TTN: variants seen among roughly 807,000 people sequenced by gnomAD.
TTN encodes titin.
TTN carries 1,525 observed loss-of-function variants against 3,223.0 expected under a neutral mutation model. The observed-to-expected ratio is 0.47, with a 90% CI of 0.45 to 0.49. The LOEUF (loss-of-function observed/expected upper bound fraction) is 0.49, where lower values mean the gene tolerates loss of function less well. Ranked by LOEUF, TTN falls within the 20% of genes least tolerant of loss-of-function variation. TTN has a pLI of 0.00. For missense variants in TTN, 40,786 were observed against 43,424.0 expected (o/e 0.94, Z 5.40); for synonymous variants, 14,094 against 15,161.0 (o/e 0.93, Z 5.17).
At position 178,573,978 on chromosome 2, in the gene TTN, C is replaced by T. The variant is rs777857293; in HGVS notation, c.72154G>A (p.Asp24052Asn). The part of the protein sequence containing the change: ...KAGEAFRLEA[D>N]VSGRPPPTME... ...GTTGGAGGTGGGCGGCCTGAAACAT[C>T]AGCTTCCAGTCTGAATGCTTCACCT... is the stretch of plus-strand genomic sequence containing the variant. Residue 24052 changes from aspartate (D) to asparagine (N), a missense_variant, in exon 326 of 363, where the codon GAT becomes AAT. Asp to Asn is a conservative substitution (Grantham distance 23). Transcript: ENST00000589042. 2 of 1,613,282 alleles carry T rather than the reference C, an allele frequency of 1.2e-6. No homozygotes were observed. The highest frequency in any genetic ancestry group is 1.7e-6 in the Non-Finnish European group (2 of 1,179,620).
rs757873540 is a variant in TTN, at chr2:178,562,366, A to G, written c.83766T>C (p.Thr27922=). The G allele has an allele frequency of 2.7e-5, 43 of 1,610,464 alleles. No individual in the cohort carries two copies. Among genetic ancestry groups the G allele is most frequent in the Admixed American group, 5.0e-5 (3 of 59,634 alleles). ...CTTCTCCTGCAGTTAAGCCAGATATAGTTGCTTCTAGAGTCTTAACTTGTG... is the reference window on the plus strand; with the variant it reads ...CTTCTCCTGCAGTTAAGCCAGATATGGTTGCTTCTAGAGTCTTAACTTGTG... ...TCTQVKTLEA[T]ISGLTAGEEY... The change falls in exon 326 of 363, where the codon ACT becomes ACC. Residue 27922 remains threonine, a synonymous_variant. Coordinates refer to ENST00000589042, the MANE Select transcript of TTN (RefSeq NM_001267550.2).
chr2:178,538,451 C>G lies in TTN; in HGVS notation c.99289+89G>C, dbSNP rs79501403. On this transcript the variant is annotated intron_variant, in intron 354 of 362. Coordinates refer to ENST00000589042, the MANE Select transcript of TTN (RefSeq NM_001267550.2). ...TCTTAACACTTGCTCTCCAATAAAG[C>G]TTTCCAGGGTTCTACTTAGTATAGA... The G allele has an allele frequency of 3.0e-3, 3,901 of 1,299,402 alleles. 93 individuals carry two copies. The African/African-American group carries it at 0.051, about 17-fold the overall frequency. The allele number at this position is 1,299,402 out of a possible 1,614,324, so 80.5% of individuals were successfully genotyped here.
At position 178,560,985 on chromosome 2, in the gene TTN, C is replaced by T. The variant is rs1333175409; in HGVS notation, c.85147G>A (p.Gly28383Arg). The T allele has an allele frequency of 6.2e-7, 1 of 1,613,694 alleles. No individual in the cohort carries two copies. The highest frequency in any genetic ancestry group is 1.3e-5 in the African/African-American group (1 of 74,910). ...EVLKINADIA[G>R]RPLPVISWAK... ...CAGGAAATTACTGGCAGAGGTCGCC[C>T]TGCAATGTCTGCATTTATCTTAAGG... The change falls in exon 326 of 363, where the codon GGG becomes AGG. Residue 28383 changes from glycine (G) to arginine (R), a missense_variant. By Grantham distance (125) the Gly-to-Arg change is moderately radical. Coordinates refer to ENST00000589042, the MANE Select transcript of TTN (RefSeq NM_001267550.2).
chr2:178,731,581 G>A lies in TTN; in HGVS notation c.17185C>T (p.Pro5729Ser), dbSNP rs1401132642. The A allele has an allele frequency of 6.3e-7, 1 of 1,591,432 alleles. No individual in the cohort carries two copies. The highest frequency in any genetic ancestry group is 8.6e-7 in the Non-Finnish European group (1 of 1,168,498). ...ICSARVTLREPPSFIKKIEST... is the reference protein window; with the variant it reads ...ICSARVTLRESPSFIKKIEST... ...TCGATCTTCTTTATGAAGGATGGGG[G>A]TTCTAACAGAAGAATGAATTCTCAA... Residue 5729 changes from proline (P) to serine (S), a missense_variant and splice_region_variant, in exon 59 of 363, where the codon CCC becomes TCC. Transcript: ENST00000589042.
chr2:178,696,952 G>A (rs1007602408), intron 113 of TTN, among the ~76,000 whole-genome samples, 169 bp downstream of exon 113: 1 of 151,974 alleles, frequency 6.6e-6, no homozygotes, highest in Non-Finnish European at 1.5e-5. Context: ...TTGTTTTCCT[G>A]GGAAAGGGGC....
intron 47 of TTN, among the ~76,000 whole-genome samples, chr2:178,743,848 T>C (rs2082937978): frequency 6.6e-6 from 1 of 152,028 alleles, no homozygotes; most frequent in East Asian, 1.9e-4. Flanking sequence ...ATCACAGATA[T>C]TGTGTGCTCA....
In TTN at chr2:178,621,657, T is replaced by C; in HGVS notation, c.45167A>G (p.Lys15056Arg). The stretch of plus-strand genomic sequence containing the variant: ...ATACCAAATCACTTCTGCGCCAGGT[T>C]TGGAGACTTCACAAACCAGTTTTAT... Reference protein sequence around the residue: ...DTIKLVCEVSKPGAEVIWYKG... With the variant: ...DTIKLVCEVSRPGAEVIWYKG... The change falls in exon 245 of 363, where the codon AAA becomes AGA. Residue 15056 changes from lysine (K) to arginine (R), a missense_variant. Coordinates refer to ENST00000589042, the MANE Select transcript of TTN (RefSeq NM_001267550.2). 1 of 1,612,404 alleles carries C rather than the reference T, an allele frequency of 6.2e-7. No individual in the cohort carries two copies. The highest frequency in any genetic ancestry group is 1.1e-5 in the South Asian group (1 of 91,054).
rs144025230 is a variant in TTN at position 178,707,718 on chromosome 2, C to T, written c.28849G>A (p.Glu9617Lys). The T allele has an allele frequency of 3.2e-5, 52 of 1,613,978 alleles. No individual in the cohort carries two copies. The highest frequency in any genetic ancestry group is 4.5e-5 in the East Asian group (2 of 44,880). ...TTCAACCACTGGATCCTAATTGGCT[C>T]AGATCCCTGGACATGGCAGCTGAGC... is the stretch of plus-strand genomic sequence containing the variant. ...VQLSCHVQGS[E>K]PIRIQWLKAG... is the part of the protein sequence containing the mutation. The change falls in exon 100 of 363, where the codon GAG (glutamate) becomes AAG (lysine). Residue 9617 changes from glutamate (E) to lysine (K), a missense_variant. Physicochemically the swap from Glu to Lys is moderately conservative, Grantham distance 56. Transcript: ENST00000589042.
In TTN at chr2:178,729,723, A is replaced by G. The variant is rs2080061909; in HGVS notation, c.18530T>C (p.Val6177Ala). The change falls in exon 63 of 363, where the codon GTG becomes GCG. Residue 6177 changes from valine to alanine, a missense_variant. Physicochemically the swap from Val to Ala is moderately conservative, Grantham distance 64. Coordinates refer to ENST00000589042, the MANE Select transcript of TTN (RefSeq NM_001267550.2). ...GCCTGCGTCATTTCGAGCTTCACAC[A>G]CATAAGTCCCACTATTTTCTACCCT... ...GARVENSGTY[V>A]CEARNDAGTA... 6.2e-7 allele frequency: 1 copy of G among 1,613,790 alleles called. No homozygotes were observed. Among genetic ancestry groups the G allele is most frequent in the Non-Finnish European group, 8.5e-7 (1 of 1,179,732 alleles).
At position 178,689,827 on chromosome 2, in the gene TTN, G is replaced by C. The variant is rs727503637; in HGVS notation, c.31832C>G (p.Ala10611Gly). ...IPVPVAKKKE[A>G]PPAKVPEVQK... The stretch of plus-strand genomic sequence containing the variant: ...AGCCACTGTACCTTTAGCTGGGGGA[G>C]CTTCCTTTTTCTTTGCAACAGGAAC... The change falls in exon 122 of 363, where the codon GCT becomes GGT. Residue 10611 changes from alanine (A) to glycine (G), a missense_variant. Transcript: ENST00000589042. 6.8e-6 allele frequency: 11 copies of C among 1,611,164 alleles called. No homozygotes were observed. The Admixed American group carries it at 8.4e-5, about 12-fold the overall frequency.
Position 178,735,523 on chromosome 2 carries a change from CTG to C in TTN, c.14921_14922del (p.Thr4974SerfsTer23). On this transcript the variant is annotated frameshift_variant, in exon 50 of 363. Transcript: ENST00000589042. LOFTEE classifies it high-confidence loss of function. ...NEAGSSSCSATVTVREPPSFV... is the reference protein window; with the variant it reads ...NEAGSSSCSAXVTVREPPSFV... Reference sequence around the variant, plus strand: ...ACACGTTTCTTACCTCTGACAGTGACTGTGGCTGAGCAGGAGCTGCTTCCAGC... The same window carrying C: ...ACACGTTTCTTACCTCTGACAGTGACTGGCTGAGCAGGAGCTGCTTCCAGC... 6.3e-7 allele frequency: 1 copy of C among 1,584,468 alleles called. No homozygotes were observed. Among genetic ancestry groups the C allele is most frequent in the Non-Finnish European group, 8.6e-7 (1 of 1,168,134 alleles).
At chr2:178,779,183 G>T in intron 23 of TTN, 46 bp downstream of exon 23, 2 of 1,612,764 alleles carry the variant, frequency 1.2e-6, no homozygotes, top group Admixed American at 1.7e-5. Context: ...TAACCAATTT[G>T]TATCTTTACT....
chr2:178,599,096 TAAA>T (rs748820716), intron 290 of TTN, 34 bp from the exon 291 acceptor site: 1 of 1,503,172 alleles, frequency 6.7e-7, no homozygotes, highest in Non-Finnish European at 8.9e-7. Flanking sequence ...ATAAGAAATT[TAAA>T]AAAAAAGTAA....
intron 3 of TTN, 45 bp downstream of exon 3, chr2:178,802,093 T>C (rs1238185555): frequency 6.2e-7 from 1 of 1,608,194 alleles, no homozygotes; most frequent in Non-Finnish European, 8.5e-7. Flanking sequence ...TTGCTGGAGA[T>C]GTCCTCTGGG....
Position 178,539,949 on chromosome 2 carries a change from G to C in TTN, c.98116C>G (p.Leu32706Val). ...TEMLEYPDYE[L>V]DERYQEGIFV... The stretch of plus-strand genomic sequence containing the variant: ...ATACCTTCTTGGTATCTTTCATCAA[G>C]TTCATAATCAGGATATTCTGGAAAA... The change falls in exon 352 of 363, where the codon CTT becomes GTT. Residue 32706 changes from leucine to valine, a missense_variant. Leu to Val is a conservative substitution (Grantham distance 32). Coordinates refer to ENST00000589042, the MANE Select transcript of TTN (RefSeq NM_001267550.2). The C allele has an allele frequency of 6.2e-7, 1 of 1,613,140 alleles. No individual in the cohort carries two copies.
chr2:178,707,887 A>T, intron 99 of TTN, 74 bp from the exon 100 acceptor site: 3 of 1,495,006 alleles, frequency 2.0e-6, no homozygotes, highest in Non-Finnish European at 1.8e-6. Flanking sequence ...GAAACAAATA[A>T]AGAGAAAAAC....
Position 178,729,380 on chromosome 2 carries a change from G to T in TTN, c.18776C>A (p.Thr6259Asn), listed in dbSNP as rs72648949. The change falls in exon 64 of 363, where the codon ACC (threonine) becomes AAC (asparagine). Residue 6259 changes from threonine (T) to asparagine (N), a missense_variant. Transcript: ENST00000589042. ...CCCAGTGTCTGAAGGGTCACACTTG[G>T]TTATATGGAGGTTAAACACAGACAC... ...DRVSVFNLHI[T>N]KCDPSDTGEY... The T allele has an allele frequency of 6.2e-7, 1 of 1,613,572 alleles. No individual in the cohort carries two copies. The highest frequency in any genetic ancestry group is 1.1e-5 in the South Asian group (1 of 91,082).
intron 336 of TTN, chr2:178,550,746 T>G (rs979449938): frequency 7.3e-6 from 4 of 551,344 alleles, no homozygotes; most frequent in Non-Finnish European, 9.4e-6. Context: ...TCCCACTTGC[T>G]GCATGCTCTT....
Position 178,560,421 on chromosome 2 carries a change from A to G in TTN, c.85711T>C (p.Trp28571Arg). 1.9e-6 allele frequency: 3 copies of G among 1,613,718 alleles called. No individual in the cohort carries two copies. The highest frequency in any genetic ancestry group is 1.7e-6 in the Non-Finnish European group (2 of 1,179,798). ...SVTKESMTLC[W>R]SRPESDGGSE... Reference sequence around the variant, plus strand: ...CCTCCATCACTCTCGGGTCTTGACCAGCAAAGTGTCATAGATTCTTTGGTC... The same window carrying G: ...CCTCCATCACTCTCGGGTCTTGACCGGCAAAGTGTCATAGATTCTTTGGTC... The change falls in exon 326 of 363, where the codon TGG becomes CGG. Residue 28571 changes from tryptophan (W) to arginine (R), a missense_variant. Coordinates refer to ENST00000589042, the MANE Select transcript of TTN (RefSeq NM_001267550.2).
Sources: gnomAD v4.1 joint callset for allele counts (sites outside exome capture counted in the v4.1 genomes callset) on GRCh38, gnomAD v4.1.1 for gene constraint, MANE v1.5 for transcripts, NCBI Gene and HGNC (gene_info 2026-07-23, HGNC 2026-07-21) for gene names.